Variants in ZC3H4 observed in about 807,000 individuals in gnomAD.
The protein encoded by ZC3H4 is zinc finger CCCH domain-containing protein 4.
In ZC3H4, 13 loss-of-function variants were observed where a neutral mutation model predicts 108.3. The observed-to-expected ratio is 0.12, with a 90% confidence interval of 0.08 to 0.19. The LOEUF (loss-of-function observed/expected upper bound fraction) is 0.19. ZC3H4 is among the 10% of genes least tolerant of loss of function. The probability of loss-of-function intolerance (pLI) is 1.00; values close to 1 mark genes in which losing one functional copy is unlikely to be tolerated. For missense variants in ZC3H4, 1,734 were observed against 1,838.8 expected (o/e 0.94, Z 1.04); for synonymous variants, 917 against 749.6 (o/e 1.22, Z -3.65).
intron 13 of ZC3H4, among the ~76,000 whole-genome samples, chr19:47,070,353 C>T (rs1422319261): frequency 2.0e-5 from 3 of 152,168 alleles, no homozygotes; most frequent in African/African-American, 7.2e-5. Context: ...CACATCCCAG[C>T]GCAGAGCTGG....
At chr19:47,075,311 G>A (rs2057400763) in intron 11 of ZC3H4, among the ~76,000 whole-genome samples, 1 of 152,174 alleles carries the variant, frequency 6.6e-6, no homozygotes, top group African/African-American at 2.4e-5. Context: ...CACCTGAGAT[G>A]AGCCTTGCTG....
rs1395213446 is a variant in ZC3H4 at position 47,064,235 on chromosome 19, TAA to T, written c.*2119_*2120del. On this transcript the variant is annotated 3_prime_UTR_variant, in exon 15 of 15. Transcript: ENST00000253048. ...AATGGCAGTAATACAATTACTGGAT[TAA>T]GAGACCACAGGAGAAAGGCAGGTGA... 6.6e-6 allele frequency: 1 copy of T among 152,582 alleles called. No individual in the cohort carries two copies. Among genetic ancestry groups the T allele is most frequent in the East Asian group, 1.9e-4 (1 of 5,196 alleles). 9.5% of individuals were successfully genotyped at this position (152,582 alleles called of 1,614,324 possible).
intron 1 of ZC3H4, among the ~76,000 whole-genome samples, chr19:47,113,049 C>T (rs2123137357): frequency 6.6e-6 from 1 of 152,380 alleles, no homozygotes; most frequent in East Asian, 1.9e-4. Context: ...CCGACTGTCT[C>T]CCTTCTCTGC....
Position 47,066,728 on chromosome 19 carries a change from G to A in ZC3H4, c.3540C>T (p.Ser1180=), listed in dbSNP as rs1433831007. The change falls in exon 15 of 15, where the codon AGC becomes AGT. Residue 1180 remains serine, a synonymous_variant. Transcript: ENST00000253048. ...GGGGCTCCTTAGCCTTGGAGGCCGA[G>A]CTCTTGCCATTGCCCTCAGCACCCT... ...QPKGAEGNGK[S]SASKAKEPPF... The A allele has an allele frequency of 1.2e-6, 2 of 1,606,816 alleles. No individual in the cohort carries two copies. Among genetic ancestry groups the A allele is most frequent in the East Asian group, 2.2e-5 (1 of 44,784 alleles).
intron 9 of ZC3H4, among the ~76,000 whole-genome samples, chr19:47,083,362 G>A (rs1054255280): frequency 3.3e-5 from 5 of 151,172 alleles, no homozygotes; most frequent in Non-Finnish European, 5.9e-5. Context: ...ATGTTGCCCA[G>A]GGTGTATTCA....
rs1288158201 is a variant in ZC3H4 at position 47,068,994 on chromosome 19, C to CA, written c.2398+97_2398+98insT. On this transcript the variant is annotated intron_variant, in intron 14 of 14. Coordinates refer to ENST00000253048, the MANE Select transcript of ZC3H4 (RefSeq NM_015168.2). Reference sequence around the variant, plus strand: ...AGGGGTCCTCCCTAGCCATGGGCTCCTTCCTGACAGGAAACCCAACCTGGA... The same window carrying CA: ...AGGGGTCCTCCCTAGCCATGGGCTCCATTCCTGACAGGAAACCCAACCTGGA... The CA allele has an allele frequency of 3.4e-4, 533 of 1,574,574 alleles. 4 individuals are homozygous for CA. Among genetic ancestry groups the CA allele is most frequent in the Non-Finnish European group, 5.0e-5 (59 of 1,168,538 alleles).
At chr19:47,104,864 C>T (rs1288888515) in intron 2 of ZC3H4, among the ~76,000 whole-genome samples, 1 of 152,196 alleles carries the variant, frequency 6.6e-6, no homozygotes, top group African/African-American at 2.4e-5. Context: ...TTTGGCCAAG[C>T]GACACTAGCG....
chr19:47,071,933 A>G lies in ZC3H4; in HGVS notation c.1991T>C (p.Met664Thr), dbSNP rs771486932. The change falls in exon 13 of 15, where the codon ATG becomes ACG. Residue 664 changes from methionine (M) to threonine (T), a missense_variant. Around this residue, in one of 9 missense-constraint regions of ZC3H4, gnomAD observed 540 missense variants for 484.1 expected, o/e 1.12. Transcript: ENST00000253048. Reference protein sequence around the residue: ...MGPGMNPGPPMGPGGPPMMPY... With the variant: ...MGPGMNPGPPTGPGGPPMMPY... ...CATCATTGGAGGGCCGCCAGGGCCC[A>G]TGGGTGGGCCAGGATTCATGCCAGG... The G allele has an allele frequency of 6.2e-7, 1 of 1,612,976 alleles. No individual in the cohort carries two copies. Among genetic ancestry groups the G allele is most frequent in the Non-Finnish European group, 8.5e-7 (1 of 1,179,490 alleles).
Position 47,072,825 on chromosome 19 carries a change from G to A in ZC3H4, c.1441-112C>T. ...GAAAAGTCCATAATACAAGGACCTT[G>A]AGATCTAAAGGCATAAAGACCACAA... On this transcript the variant is annotated intron_variant, in intron 11 of 14. Coordinates refer to ENST00000253048, the MANE Select transcript of ZC3H4 (RefSeq NM_015168.2). The surrounding 1 kb of genome is among the most constrained non-coding windows in gnomAD (Gnocchi z 5.6). The A allele has an allele frequency of 7.9e-7, 1 of 1,258,804 alleles. No homozygotes were observed. The highest frequency in any genetic ancestry group is 1.1e-6 in the Non-Finnish European group (1 of 914,808). 78.0% of individuals were successfully genotyped at this position (1,258,804 alleles called of 1,614,324 possible). A position where few individuals can be genotyped will look rare whatever the true frequency, so the allele number is the denominator to read the frequency against.
chr19:47,066,898 G>C lies in ZC3H4; in HGVS notation c.3370C>G (p.Arg1124Gly). Reference protein sequence around the residue: ...SPPATAPYDPRVLAAGGLGQG... With the variant: ...SPPATAPYDPGVLAAGGLGQG... ...CCCAGTCCACCGGCCGCCAGCACGC[G>C]GGGGTCGTAGGGAGCGGTGGCTGGT... The change falls in exon 15 of 15, where the codon CGC (arginine) becomes GGC (glycine). Residue 1124 changes from arginine (R) to glycine (G), a missense_variant. By Grantham distance (125) the Arg-to-Gly change is moderately radical. This residue lies in a region of ZC3H4 where 518 missense variants were observed against 499.6 expected (regional missense o/e 1.04). Coordinates refer to ENST00000253048, the MANE Select transcript of ZC3H4 (RefSeq NM_015168.2). 1 of 1,596,902 alleles carries C rather than the reference G, an allele frequency of 6.3e-7. No homozygotes were observed. Among genetic ancestry groups the C allele is most frequent in the Non-Finnish European group, 8.5e-7 (1 of 1,177,344 alleles).
chr19:47,085,457 AACAATGAACACTGTCCCC>A, intron 6 of ZC3H4, 43 bp from the exon 7 acceptor site: 1 of 1,488,898 alleles, frequency 6.7e-7, no homozygotes. Flanking sequence ...TCAGGTAGGG[AACAATGAACACTGTCCCC>A]ACCTACACAC....
chr19:47,093,283 G>A lies in ZC3H4; in HGVS notation c.492+687C>T, dbSNP rs2057768636. ...ATGGGATTTTCTGGGGGAAGAAATGGTATACAAACTGAACAAATAATTTAA... is the reference window on the plus strand; with the variant it reads ...ATGGGATTTTCTGGGGGAAGAAATGATATACAAACTGAACAAATAATTTAA... On this transcript the variant is annotated intron_variant, in intron 4 of 14. Transcript: ENST00000253048. 2.0e-5 allele frequency among the ~76,000 whole-genome samples: 3 copies of A among 151,772 alleles called. No individual in the cohort carries two copies. In the South Asian group the frequency reaches 6.2e-4, roughly 31 times the overall value.
intron 2 of ZC3H4, among the ~76,000 whole-genome samples, chr19:47,111,208 T>G (rs962653710): frequency 6.6e-6 from 1 of 152,098 alleles, no homozygotes; most frequent in African/African-American, 2.4e-5. Context: ...TCCAGCCGCC[T>G]CTTCTCTCGC....
At chr19:47,088,497 G>A (rs189735535) in intron 5 of ZC3H4, among the ~76,000 whole-genome samples, 11 of 151,826 alleles carry the variant, frequency 7.2e-5, no homozygotes, top group Admixed American at 1.3e-4. Flanking sequence ...GCAGTGAGCC[G>A]AGATCGCGCC....
Position 47,071,860 on chromosome 19 carries a change from G to C in ZC3H4, c.2064C>G (p.Ile688Met), listed in dbSNP as rs770311261. ...TTTCATAGAAGTTCTGGGCTGGCGG[G>C]ATAGGGGGCATCATTCCAGAATGTG... ...DSPHSGMMPP[I>M]PPAQNFYENF... Residue 688 changes from isoleucine (I) to methionine (M), a missense_variant, in exon 13 of 15, where the codon ATC (isoleucine) becomes ATG (methionine). Transcript: ENST00000253048. 6.2e-7 allele frequency: 1 copy of C among 1,613,600 alleles called. No individual in the cohort carries two copies. The highest frequency in any genetic ancestry group is 1.3e-5 in the African/African-American group (1 of 74,926).
At chr19:47,104,746 C>T (rs560654073) in intron 2 of ZC3H4, among the ~76,000 whole-genome samples, 4 of 152,344 alleles carry the variant, frequency 2.6e-5, no homozygotes, top group Non-Finnish European at 5.9e-5. Context: ...TGACTGCTCT[C>T]GTTCCCCGTG....
Position 47,067,480 on chromosome 19 carries a change from G to C in ZC3H4, c.2788C>G (p.Arg930Gly), listed in dbSNP as rs780062948. ...TTCACGGCCTTCTCCCGCAGGGCCCGCTCCCCTTCCTCCTCCTCCGTTGGG... is the reference window on the plus strand; with the variant it reads ...TTCACGGCCTTCTCCCGCAGGGCCCCCTCCCCTTCCTCCTCCTCCGTTGGG... The part of the protein sequence containing the change: ...PPPTEEEEGE[R>G]ALREKAVNIP... Residue 930 changes from arginine to glycine, a missense_variant, in exon 15 of 15, where the codon CGG becomes GGG. Around this residue, in one of 9 missense-constraint regions of ZC3H4, gnomAD observed 540 missense variants for 484.1 expected, o/e 1.12. Coordinates refer to ENST00000253048, the MANE Select transcript of ZC3H4 (RefSeq NM_015168.2). This position sits in a 1 kb window ranked among gnomAD's most constrained non-coding sequence, Gnocchi z 6.4. The C allele has an allele frequency of 6.3e-7, 1 of 1,581,444 alleles. No individual in the cohort carries two copies. The highest frequency in any genetic ancestry group is 1.8e-5 in the Admixed American group (1 of 56,620).
chr19:47,092,908 G>A (rs924805906), intron 4 of ZC3H4, among the ~76,000 whole-genome samples: 3 of 151,212 alleles, frequency 2.0e-5, no homozygotes, highest in Admixed American at 6.6e-5. Flanking sequence ...AACGAATACT[G>A]GGTAAAGTAA....
chr19:47,098,486 C>CAAAAAAAA (rs142251542), intron 2 of ZC3H4, among the ~76,000 whole-genome samples: 1 of 100,284 alleles, frequency 1.0e-5, no homozygotes. Context: ...AACTGTGTCT[C>CAAAAAAAA]AAAAAAAAAA....
Sources: allele counts gnomAD v4.1 joint callset (sites outside exome capture counted in the v4.1 genomes callset), GRCh38; gene constraint gnomAD v4.1.1; regional missense constraint gnomAD v4.1.1; non-coding constraint Gnocchi (gnomAD v3.1); transcripts MANE v1.5; gene names NCBI Gene and HGNC (gene_info 2026-07-23, HGNC 2026-07-21).